The following FMN2 variants were observed in gnomAD, a reference collection of about 807,000 sequenced individuals.
FMN2 encodes formin 2.
Under a neutral mutation model 142.3 loss-of-function variants are expected in FMN2, and 51 were observed. The observed-to-expected ratio is 0.36, with a 90% CI of 0.29 to 0.45. FMN2 has a LOEUF of 0.45. Among genes scored for constraint, FMN2 ranks in the 20% least tolerant of loss-of-function variants. The pLI is 1.00. For missense variants in FMN2, 1,936 were observed against 2,122.8 expected (o/e 0.91, Z 1.73); for synonymous variants, 882 against 869.8 (o/e 1.01, Z -0.25).
At chr1:240,458,913 A>T (rs1394645184) in intron 16 of FMN2, 1 of 152,206 alleles carries the variant, frequency 6.6e-6, no homozygotes, top group Non-Finnish European at 1.5e-5. Flanking sequence ...ATAGGACCAA[A>T]GGGCGTATCA....
Position 240,091,912 on chromosome 1 carries a change from G to A in FMN2, c.-198G>A. ...CCGCAGCCGCAGCGACGGCAGCCAC[G>A]GGAGCCGCCGCGCATTATGCAAAGC... On this transcript the variant is annotated 5_prime_UTR_variant, in exon 1 of 18. Transcript: ENST00000319653. 1 of 929,970 alleles carries A rather than the reference G, an allele frequency of 1.1e-6. No homozygotes were observed. Among genetic ancestry groups the A allele is most frequent in the Non-Finnish European group, 1.5e-6 (1 of 678,174 alleles). 57.6% of individuals were successfully genotyped at this position (929,970 alleles called of 1,614,324 possible). A position where few individuals can be genotyped will look rare whatever the true frequency, so the allele number is the denominator to read the frequency against.
intron 6 of FMN2, among the ~76,000 whole-genome samples, chr1:240,240,644 G>C (rs1667866492): frequency 6.6e-6 from 1 of 151,976 alleles, no homozygotes; most frequent in South Asian, 2.1e-4. Flanking sequence ...ACAATGTATT[G>C]GTTTTCTTAT....
At chr1:240,275,208 T>C (rs904814700) in intron 7 of FMN2, among the ~76,000 whole-genome samples, 6 of 151,894 alleles carry the variant, frequency 4.0e-5, no homozygotes, top group Admixed American at 1.3e-4. Context: ...TCACCTACAT[T>C]AGGTATTTCT....
intron 15 of FMN2, among the ~76,000 whole-genome samples, chr1:240,429,570 G>A (rs111271125): frequency 0.033 from 4,960 of 152,188 alleles, 254 homozygotes; most frequent in African/African-American, 0.11. Flanking sequence ...GTTTCCCAAT[G>A]TATTTACTTC....
At chr1:240,159,716 G>T (rs954781080) in intron 2 of FMN2, among the ~76,000 whole-genome samples, 5 of 151,842 alleles carry the variant, frequency 3.3e-5, no homozygotes, top group African/African-American at 1.2e-4. Context: ...AGCCCTGACT[G>T]CCATTTATTA....
chr1:240,272,680 A>G (rs934991284), intron 7 of FMN2, among the ~76,000 whole-genome samples: 3 of 152,154 alleles, frequency 2.0e-5, no homozygotes, highest in African/African-American at 7.2e-5. Context: ...GGTATATTCT[A>G]CAAATATAAT....
In FMN2 at chr1:240,374,011, T is replaced by C. The variant is rs961075883; in HGVS notation, c.4858+18103T>C. 1.1e-4 allele frequency among the ~76,000 whole-genome samples: 17 copies of C among 152,342 alleles called. No individual in the cohort carries two copies. In the South Asian group the frequency reaches 1.2e-3, roughly 11 times the overall value. On this transcript the variant is annotated intron_variant, in intron 14 of 17. Transcript: ENST00000319653. ...TAAATAGATGTTGTATTAGCAGGCATGAAAGCAAAATGAATCTCCTTGTAT... is the reference window on the plus strand; with the variant it reads ...TAAATAGATGTTGTATTAGCAGGCACGAAAGCAAAATGAATCTCCTTGTAT...
chr1:240,315,022 T>C (rs1174981776), intron 8 of FMN2, among the ~76,000 whole-genome samples: 1 of 152,236 alleles, frequency 6.6e-6, no homozygotes, highest in African/African-American at 2.4e-5. Flanking sequence ...GTAATTTTCC[T>C]TGATGGCAGG....
At chr1:240,214,321 G>C (rs1167403072) in intron 6 of FMN2, among the ~76,000 whole-genome samples, 1 of 152,034 alleles carries the variant, frequency 6.6e-6, no homozygotes. Flanking sequence ...AGAGGCCGAG[G>C]CGGGCGGATC....
intron 13 of FMN2, among the ~76,000 whole-genome samples, chr1:240,336,554 A>AG: frequency 1.5e-5 from 1 of 65,528 alleles, no homozygotes; most frequent in Non-Finnish European, 2.8e-5. Flanking sequence ...GGTATTCTCC[A>AG]AAAAAAAAAA....
At chr1:240,420,151 T>C (rs1283031542) in intron 15 of FMN2, among the ~76,000 whole-genome samples, 1 of 152,180 alleles carries the variant, frequency 6.6e-6, no homozygotes, top group African/African-American at 2.4e-5. Flanking sequence ...CCAACTGCAC[T>C]GTTCAGTGAT....
intron 15 of FMN2, among the ~76,000 whole-genome samples, chr1:240,436,494 A>G (rs1252504530): frequency 2.0e-5 from 3 of 152,192 alleles, no homozygotes; most frequent in African/African-American, 7.2e-5. Flanking sequence ...TCTCCTGAGC[A>G]AACTCACCTT....
At chr1:240,409,250 C>T (rs954827590) in intron 15 of FMN2, among the ~76,000 whole-genome samples, 1 of 152,102 alleles carries the variant, frequency 6.6e-6, no homozygotes, top group Non-Finnish European at 1.5e-5. Context: ...TCAAGCGATT[C>T]TCCTGCCTCA....
chr1:240,218,229 G>A lies in FMN2; in HGVS notation c.4065+6994G>A, dbSNP rs548859646. ...ACCCAGGAGGTGGATGTTGCAGTGA[G>A]TCAAGATTGCACCATTGCACTCCAG... On this transcript the variant is annotated intron_variant, in intron 6 of 17. Transcript: ENST00000319653. Among the ~76,000 whole-genome samples, 3 of 136,028 alleles carry A rather than the reference G, an allele frequency of 2.2e-5. No individual in the cohort carries two copies. In the East Asian group the frequency reaches 7.4e-4, roughly 34 times the overall value. The allele number at this position is 136,028 out of a possible 152,430, so 89.2% of individuals were successfully genotyped here.
intron 16 of FMN2, among the ~76,000 whole-genome samples, chr1:240,443,159 A>G (rs1675683495): frequency 6.6e-6 from 1 of 152,206 alleles, no homozygotes; most frequent in Admixed American, 6.5e-5. Context: ...ACTCAGTTAC[A>G]TTCTTGGTTA....
intron 8 of FMN2, among the ~76,000 whole-genome samples, chr1:240,307,310 A>G (rs964293313): frequency 2.0e-5 from 3 of 152,144 alleles, no homozygotes; most frequent in Non-Finnish European, 2.9e-5. Context: ...TTCATCATAA[A>G]TGTTTGCCTA....
intron 1 of FMN2, among the ~76,000 whole-genome samples, chr1:240,100,460 T>A (rs912197241): frequency 6.6e-6 from 1 of 152,216 alleles, no homozygotes; most frequent in Non-Finnish European, 1.5e-5. Flanking sequence ...AGAAACTTTC[T>A]AAGGCTTTTT....
intron 8 of FMN2, among the ~76,000 whole-genome samples, chr1:240,300,383 G>T (rs367921690): frequency 1.3e-5 from 2 of 152,174 alleles, no homozygotes; most frequent in East Asian, 1.9e-4. Flanking sequence ...TCTTTTCCAT[G>T]CATTTTCCTA....
chr1:240,417,428 G>A (rs981911562), intron 15 of FMN2, among the ~76,000 whole-genome samples: 1 of 151,856 alleles, frequency 6.6e-6, no homozygotes, highest in African/African-American at 2.4e-5. Flanking sequence ...TTTAGCTTGA[G>A]AGGGTTTTGT....
Sources: gnomAD v4.1 joint callset for allele counts (sites outside exome capture counted in the v4.1 genomes callset) on GRCh38, gnomAD v4.1.1 for gene constraint, MANE v1.5 for transcripts, NCBI Gene and HGNC (gene_info 2026-07-23, HGNC 2026-07-21) for gene names.